The following GRAMD1B variants were observed in gnomAD, a reference collection of about 807,000 sequenced individuals.
GRAMD1B encodes GRAM domain containing 1B.
GRAMD1B carries 37 observed loss-of-function variants against 99.7 expected under a neutral mutation model. That is an observed-to-expected ratio of 0.37 (90% confidence interval 0.29 to 0.49). The LOEUF (loss-of-function observed/expected upper bound fraction) is 0.49. Ranked by LOEUF, GRAMD1B falls within the 20% of genes least tolerant of loss-of-function variation. GRAMD1B has a pLI of 0.98. For missense variants in GRAMD1B, 888 were observed against 1,009.2 expected (o/e 0.88, Z 1.63); for synonymous variants, 427 against 387.6 (o/e 1.10, Z -1.19).
At chr11:123,397,386 G>A (rs1947504066) in intron 1 of GRAMD1B, among the ~76,000 whole-genome samples, 1 of 150,532 alleles carries the variant, frequency 6.6e-6, no homozygotes, top group Admixed American at 6.6e-5. Context: ...CAGCCTGGGT[G>A]ACAGAGCGAG....
intron 3 of GRAMD1B, 126 bp from the exon 4 acceptor site, chr11:123,584,186 G>A: frequency 4.9e-6 from 3 of 608,902 alleles, no homozygotes; most frequent in Non-Finnish European, 5.9e-6. Context: ...CACATGGGAA[G>A]CATTCAGCTG....
In GRAMD1B at chr11:123,441,675, A is replaced by G. The variant is rs1359565067; in HGVS notation, c.374+10509A>G. Among the ~76,000 whole-genome samples, 7 of 152,150 alleles carry G rather than the reference A, an allele frequency of 4.6e-5. No homozygotes were observed. The South Asian group carries it at 1.2e-3, about 27-fold the overall frequency. ...GCCAGGCATGGTGGCATATACCTGC[A>G]GTCCCAGCTACTTCAGAGGCAGAAG... On this transcript the variant is annotated intron_variant, in intron 1 of 19. Transcript: ENST00000635736.
chr11:123,561,698 G>A (rs1048483205), intron 2 of GRAMD1B, among the ~76,000 whole-genome samples: 2 of 152,306 alleles, frequency 1.3e-5, no homozygotes, highest in Admixed American at 1.3e-4. Context: ...ACTGTGCTCC[G>A]GGGAGACCCC....
chr11:123,431,192 T>G lies in GRAMD1B; in HGVS notation c.374+26T>G, dbSNP rs1236172979. The G allele has an allele frequency of 4.4e-6, 3 of 684,840 alleles. No individual in the cohort carries two copies. In the Admixed American group the frequency reaches 6.1e-5, roughly 14 times the overall value. The allele number at this position is 684,840 out of a possible 1,614,324, so 42.4% of individuals were successfully genotyped here. A position where few individuals can be genotyped will look rare whatever the true frequency, so the allele number is the denominator to read the frequency against. ...GTACGTCCCCGTTCCGCCCGTCTCC[T>G]TCCCTTCCCTCCCGTCCTCTCCAGA... On this transcript the variant is annotated intron_variant, in intron 1 of 19. Coordinates refer to ENST00000635736, the MANE Select transcript of GRAMD1B (RefSeq NM_001387025.1).
At chr11:123,398,409 C>T (rs540182690) in intron 1 of GRAMD1B, among the ~76,000 whole-genome samples, 1 of 152,172 alleles carries the variant, frequency 6.6e-6, no homozygotes, top group African/African-American at 2.4e-5. Flanking sequence ...ATAACCTTAT[C>T]TAATCCTAAA....
At chr11:123,527,719 G>A (rs1942942894) in intron 2 of GRAMD1B, among the ~76,000 whole-genome samples, 1 of 152,148 alleles carries the variant, frequency 6.6e-6, no homozygotes. Flanking sequence ...AGGTGCTGCA[G>A]GAACACTGGG....
At chr11:123,606,305 T>C (rs933956255) in intron 10 of GRAMD1B, among the ~76,000 whole-genome samples, 3 of 152,238 alleles carry the variant, frequency 2.0e-5, no homozygotes, top group Admixed American at 2.0e-4. Context: ...GCTGACCTTG[T>C]TGCAGGATGG....
chr11:123,468,872 C>T (rs1255541395), intron 1 of GRAMD1B, among the ~76,000 whole-genome samples: 1 of 150,246 alleles, frequency 6.7e-6, no homozygotes, highest in African/African-American at 2.5e-5. Context: ...GGAAGATTTA[C>T]TACTTTTGAA....
intron 2 of GRAMD1B, among the ~76,000 whole-genome samples, chr11:123,501,204 T>C (rs1370813981): frequency 6.6e-6 from 1 of 152,144 alleles, no homozygotes; most frequent in Non-Finnish European, 1.5e-5. Context: ...AGAGTCTCGC[T>C]TTATCACCCA....
chr11:123,453,558 C>T (rs889126013), intron 1 of GRAMD1B, among the ~76,000 whole-genome samples: 2 of 152,120 alleles, frequency 1.3e-5, no homozygotes, highest in Admixed American at 1.3e-4. Flanking sequence ...CTCAAGTAAT[C>T]CTCCTGCCCC....
At position 123,492,323 on chromosome 11, in the gene GRAMD1B, G is replaced by A. The variant is rs557576609; in HGVS notation, c.452+11430G>A. Among the ~76,000 whole-genome samples the A allele has an allele frequency of 9.2e-5, 14 of 152,268 alleles. No homozygotes were observed. The highest frequency in any genetic ancestry group is 2.9e-4 in the African/African-American group (12 of 41,566). On this transcript the variant is annotated intron_variant, in intron 2 of 19. Transcript: ENST00000635736. The surrounding 1 kb of genome is among the most constrained non-coding windows in gnomAD (Gnocchi z 4.2). ...GCATCCCCTGGACAGGGGCGCTGGC[G>A]TCTCTGGGGTGTGGATCATTCTCTT...
Position 123,595,951 on chromosome 11 carries a change from C to G in GRAMD1B, c.883C>G (p.Arg295Gly), listed in dbSNP as rs1170206716. The change falls in exon 7 of 20, where the codon CGT becomes GGT. Residue 295 changes from arginine (R) to glycine (G), a missense_variant. By Grantham distance (125) the Arg-to-Gly change is moderately radical (BLOSUM62 -2). Around this residue, in one of 5 missense-constraint regions of GRAMD1B, gnomAD observed 62 missense variants for 139.4 expected, o/e 0.44. Transcript: ENST00000635736. ...IFRWETLLTVRLKDICSMTKE... is the reference protein window; with the variant it reads ...IFRWETLLTVGLKDICSMTKE... ...TCCTCTTGGATGCCAGCTGACAGTCCGTTTGAAAGACATCTGTTCCATGAC... is the reference window on the plus strand; with the variant it reads ...TCCTCTTGGATGCCAGCTGACAGTCGGTTTGAAAGACATCTGTTCCATGAC... 1 of 1,601,052 alleles carries G rather than the reference C, an allele frequency of 6.2e-7. No homozygotes were observed. The highest frequency in any genetic ancestry group is 1.1e-5 in the South Asian group (1 of 88,702).
At chr11:123,542,673 A>G (rs781420365) in intron 2 of GRAMD1B, among the ~76,000 whole-genome samples, 3 of 152,072 alleles carry the variant, frequency 2.0e-5, no homozygotes, top group Non-Finnish European at 4.4e-5. Flanking sequence ...TGTTTTTTAG[A>G]CGGAATTTTG....
At chr11:123,441,033 T>C (rs559670043) in intron 1 of GRAMD1B, among the ~76,000 whole-genome samples, 1 of 152,302 alleles carries the variant, frequency 6.6e-6, no homozygotes, top group South Asian at 2.1e-4. Context: ...ACCATGATCG[T>C]GAGGCCTCCC....
intron 2 of GRAMD1B, among the ~76,000 whole-genome samples, chr11:123,515,026 G>A (rs1941542786): frequency 6.6e-6 from 1 of 152,220 alleles, no homozygotes; most frequent in Non-Finnish European, 1.5e-5. Flanking sequence ...CTAAAGGTAA[G>A]AATTGAAAGG....
chr11:123,597,842 A>T (rs1148099), intron 7 of GRAMD1B: 22 of 686,270 alleles, frequency 3.2e-5, no homozygotes, highest in Admixed American at 3.0e-4. Flanking sequence ...CATGAAACTA[A>T]GTAGCAAAAG....
intron 2 of GRAMD1B, among the ~76,000 whole-genome samples, chr11:123,507,437 A>G (rs1681389931): frequency 6.6e-6 from 1 of 152,156 alleles, no homozygotes; most frequent in Non-Finnish European, 1.5e-5. Flanking sequence ...CACTACTCTC[A>G]TCCTCAACCT....
intron 2 of GRAMD1B, among the ~76,000 whole-genome samples, chr11:123,507,473 G>A (rs1313025940): frequency 6.6e-6 from 1 of 152,182 alleles, no homozygotes; most frequent in African/African-American, 2.4e-5. Context: ...GATGGAATAG[G>A]AATGGGAGAA....
chr11:123,548,349 CATAT>C (rs142360908), intron 2 of GRAMD1B, among the ~76,000 whole-genome samples: 1 of 107,752 alleles, frequency 9.3e-6, no homozygotes, highest in African/African-American at 4.6e-5. Context: ...CACACACACA[CATAT>C]ATATATATAT....
Sources: allele counts gnomAD v4.1 joint callset (sites outside exome capture counted in the v4.1 genomes callset), GRCh38; gene constraint gnomAD v4.1.1; regional missense constraint gnomAD v4.1.1; non-coding constraint Gnocchi (gnomAD v3.1); transcripts MANE v1.5; gene names NCBI Gene and HGNC (gene_info 2026-07-23, HGNC 2026-07-21).